Variants in PLCB1 observed in about 807,000 individuals in gnomAD.
The protein encoded by PLCB1 is phospholipase C beta 1.
PLCB1 carries 46 observed loss-of-function variants against 161.8 expected under a neutral mutation model. The ratio of observed to expected loss-of-function variants is 0.28; its 90% CI spans 0.22 to 0.36. The LOEUF is 0.36. PLCB1 is among the 10% of genes least tolerant of loss of function. The probability of loss-of-function intolerance (pLI) is 1.00; values close to 1 mark genes in which losing one functional copy is unlikely to be tolerated. For missense variants in PLCB1, 1,016 were observed against 1,472.5 expected (o/e 0.69, Z 5.07); for synonymous variants, 517 against 503.7 (o/e 1.03, Z -0.35).
chr20:8,472,264 A>G (rs1340372307), intron 3 of PLCB1, among the ~76,000 whole-genome samples: 1 of 152,008 alleles, frequency 6.6e-6, no homozygotes, highest in Non-Finnish European at 1.5e-5. Flanking sequence ...TGAAGCATTA[A>G]CTCAAAAGAA....
rs74653115 is a variant in PLCB1 at position 8,173,697 on chromosome 20, G to T, written c.177+23326G>T. 1.6e-4 allele frequency among the ~76,000 whole-genome samples: 25 copies of T among 152,212 alleles called. No homozygotes were observed. In the East Asian group the frequency reaches 3.9e-3, roughly 24 times the overall value. ...ATCAGATTTTGGAATTATCTTACAA[G>T]AATTTTAAAGCAGCCACCATAAAAA... On this transcript the variant is annotated intron_variant, in intron 2 of 31. Transcript: ENST00000338037.
rs1353754568 is a variant in PLCB1 at position 8,132,807 on chromosome 20, C to T, written c.99+57C>T. On this transcript the variant is annotated intron_variant, in intron 1 of 31. Coordinates refer to ENST00000338037, the MANE Select transcript of PLCB1 (RefSeq NM_015192.4). This position sits in a 1 kb window ranked among gnomAD's most constrained non-coding sequence, Gnocchi z 5.2. ...TGGCTCGGGCACCGGGCAGGGCGGG[C>T]GTCGTGGGGGTGGGGCAAGGGGCGC... The T allele has an allele frequency of 5.7e-6, 7 of 1,226,390 alleles. No homozygotes were observed. In the African/African-American group the frequency reaches 7.5e-5, roughly 13 times the overall value. The allele number at this position is 1,226,390 out of a possible 1,614,324, so 76.0% of individuals were successfully genotyped here.
At chr20:8,328,861 A>G in intron 2 of PLCB1, among the ~76,000 whole-genome samples, 1 of 152,198 alleles carries the variant, frequency 6.6e-6, no homozygotes, top group Non-Finnish European at 1.5e-5. Context: ...GTTATGGCCA[A>G]CTAATTAGAC....
chr20:8,396,397 T>C (rs992909735), intron 3 of PLCB1, among the ~76,000 whole-genome samples: 3 of 152,072 alleles, frequency 2.0e-5, no homozygotes, highest in Non-Finnish European at 4.4e-5. Flanking sequence ...GTGGCAAAAA[T>C]TTCATGCACT....
In PLCB1 at chr20:8,810,348, A is replaced by G. The variant is rs55641861; in HGVS notation, c.3423+20087A>G. ...TGGCCTTTCACTTCGGATGTACACCATAGTACGTGTGTTTTCTGATTAGAG... is the reference window on the plus strand; with the variant it reads ...TGGCCTTTCACTTCGGATGTACACCGTAGTACGTGTGTTTTCTGATTAGAG... On this transcript the variant is annotated intron_variant, in intron 31 of 31. Transcript: ENST00000338037. Among the ~76,000 whole-genome samples, 1,385 of 152,250 alleles carry G rather than the reference A, an allele frequency of 9.1e-3. 10 individuals carry two copies. Among genetic ancestry groups the G allele is most frequent in the Non-Finnish European group, 0.015 (1,000 of 68,016 alleles).
At chr20:8,758,286 T>C (rs918954159) in intron 24 of PLCB1, among the ~76,000 whole-genome samples, 1 of 151,756 alleles carries the variant, frequency 6.6e-6, no homozygotes, top group Admixed American at 6.6e-5. Context: ...GAACTGCTTT[T>C]TAAAAGGTTG....
At chr20:8,186,899 T>A (rs1379756377) in intron 2 of PLCB1, among the ~76,000 whole-genome samples, 1 of 151,982 alleles carries the variant, frequency 6.6e-6, no homozygotes, top group Non-Finnish European at 1.5e-5. Flanking sequence ...GAGTCCCATA[T>A]CTCCTAGGAA....
At chr20:8,860,797 C>T (rs143876082) in intron 31 of PLCB1, among the ~76,000 whole-genome samples, 8 of 152,336 alleles carry the variant, frequency 5.3e-5, no homozygotes, top group Admixed American at 5.2e-4. Flanking sequence ...AGTTCATATA[C>T]TGACAGAACA....
intron 2 of PLCB1, among the ~76,000 whole-genome samples, chr20:8,179,549 G>A (rs568888342): frequency 3.9e-5 from 6 of 152,136 alleles, no homozygotes; most frequent in Non-Finnish European, 7.3e-5. Context: ...AGGCAATAGG[G>A]TTTTCTAGGT....
intron 3 of PLCB1, among the ~76,000 whole-genome samples, chr20:8,448,322 C>T (rs536143742): frequency 6.6e-6 from 1 of 152,272 alleles, no homozygotes; most frequent in South Asian, 2.1e-4. Context: ...CAGTCTTGTG[C>T]CTTTTTCTGT....
At chr20:8,382,328 G>C (rs1221263154) in intron 3 of PLCB1, among the ~76,000 whole-genome samples, 2 of 149,256 alleles carry the variant, frequency 1.3e-5, no homozygotes, top group Admixed American at 1.3e-4. Context: ...TGTCGCCCAG[G>C]CTGAAGTGCA....
rs1259753191 is a variant in PLCB1, at chr20:8,525,232, ATCT to A, written c.247-103057_247-103055del. On this transcript the variant is annotated intron_variant, in intron 3 of 31. Transcript: ENST00000338037. Reference sequence around the variant, plus strand: ...GGGGAACATAAATTCATTATAAAATATCTTCTTAACCCATATATATAGCCAAAA... The same window carrying A: ...GGGGAACATAAATTCATTATAAAATATCTTAACCCATATATATAGCCAAAA... 1.2e-3 allele frequency among the ~76,000 whole-genome samples: 171 copies of A among 144,290 alleles called. 1 individual carries two copies. Among genetic ancestry groups the A allele is most frequent in the African/African-American group, 4.5e-3 (170 of 37,444 alleles). 94.7% of individuals were successfully genotyped at this position (144,290 alleles called of 152,430 possible).
chr20:8,750,549 C>A (rs1600297319), intron 23 of PLCB1, among the ~76,000 whole-genome samples: 1 of 152,240 alleles, frequency 6.6e-6, no homozygotes, highest in Middle Eastern at 3.4e-3. Context: ...CATCTTGGTT[C>A]AATAGGATGC....
intron 23 of PLCB1, among the ~76,000 whole-genome samples, chr20:8,750,638 A>G (rs1351364427): frequency 6.6e-6 from 1 of 152,198 alleles, no homozygotes; most frequent in Non-Finnish European, 1.5e-5. Context: ...AAAGTTTGTT[A>G]AAGTGATTCT....
intron 3 of PLCB1, among the ~76,000 whole-genome samples, chr20:8,512,354 G>A (rs898731286): frequency 6.6e-6 from 1 of 152,012 alleles, no homozygotes. Context: ...TAATTTTCAT[G>A]TATTTCACAT....
At position 8,856,130 on chromosome 20, in the gene PLCB1, A is replaced by C. The variant is rs144659085; in HGVS notation, c.3424-25492A>C. 1.5e-4 allele frequency among the ~76,000 whole-genome samples: 19 copies of C among 130,604 alleles called. 1 individual carries two copies. The East Asian group carries it at 3.7e-3, about 26-fold the overall frequency. The allele number at this position is 130,604 out of a possible 152,430, so 85.7% of individuals were successfully genotyped here. A position where few individuals can be genotyped will look rare whatever the true frequency, so the allele number is the denominator to read the frequency against. ...GTAACAATGAATCTGAAACGTGTGC[A>C]TGTATATATTCCTGTTTTTTATATT... On this transcript the variant is annotated intron_variant, in intron 31 of 31. Coordinates refer to ENST00000338037, the MANE Select transcript of PLCB1 (RefSeq NM_015192.4).
chr20:8,267,706 G>C (rs934040030), intron 2 of PLCB1, among the ~76,000 whole-genome samples: 1 of 152,066 alleles, frequency 6.6e-6, no homozygotes, highest in African/African-American at 2.4e-5. Context: ...GAACGGGAGC[G>C]GGCTTGAGCA....
chr20:8,260,224 G>A (rs1981624363), intron 2 of PLCB1, among the ~76,000 whole-genome samples: 1 of 150,840 alleles, frequency 6.6e-6, no homozygotes, highest in Non-Finnish European at 1.5e-5. Flanking sequence ...GGGACTACAG[G>A]CACACACCGT....
At chr20:8,659,635 A>G (rs1343685397) in intron 9 of PLCB1, among the ~76,000 whole-genome samples, 1 of 152,102 alleles carries the variant, frequency 6.6e-6, no homozygotes, top group African/African-American at 2.4e-5. Flanking sequence ...AGTAAATTTA[A>G]AAGTCTTTTA....
Sources: allele counts gnomAD v4.1 joint callset (sites outside exome capture counted in the v4.1 genomes callset), GRCh38; gene constraint gnomAD v4.1.1; non-coding constraint Gnocchi (gnomAD v3.1); transcripts MANE v1.5; gene names NCBI Gene and HGNC (gene_info 2026-07-23, HGNC 2026-07-21).